EDN1: variants seen among roughly 807,000 people sequenced by gnomAD.
EDN1 encodes the protein endothelin 1.
A neutral mutation model predicts 21.7 loss-of-function variants in EDN1; 11 were observed. The ratio of observed to expected loss-of-function variants is 0.51; its 90% CI spans 0.32 to 0.84. EDN1 has a LOEUF of 0.84. Among genes scored for constraint, EDN1 ranks in the 40% least tolerant of loss-of-function variants. The pLI is 0.03. For missense variants in EDN1, 244 were observed against 262.3 expected (o/e 0.93, Z 0.48); for synonymous variants, 85 against 90.6 (o/e 0.94, Z 0.35).
At chr6:12,295,895 A>G (rs974480993) in intron 4 of EDN1, 67 bp from the exon 5 acceptor site, 6 of 1,514,932 alleles carry the variant, frequency 4.0e-6, no homozygotes, top group Non-Finnish European at 5.5e-6. Context: ...CTAATTTTAC[A>G]TGTTTCTTTT....
At chr6:12,232,895 A>G in the EDN1 span, among the ~76,000 whole-genome samples, 5 of 152,076 alleles carry the variant, frequency 3.3e-5, no homozygotes, top group South Asian at 2.1e-4. Context: ...ACTTTCTTTT[A>G]TTTTTCTGTT....
chr6:12,287,712 T>TCACACACACA (rs66467626), upstream of EDN1, among the ~76,000 whole-genome samples: 662 of 103,062 alleles, frequency 6.4e-3, 5 homozygotes, highest in Admixed American at 9.3e-3. Flanking sequence ...TCTCTCTCTC[T>TCACACACACA]CACACACACA....
the EDN1 span, among the ~76,000 whole-genome samples, chr6:12,273,119 G>A: frequency 1.3e-5 from 2 of 152,228 alleles, no homozygotes; most frequent in African/African-American, 4.8e-5. Flanking sequence ...TGCACTGGGA[G>A]CACAGAGGAG....
chr6:12,248,795 T>C, the EDN1 span, among the ~76,000 whole-genome samples: 9 of 152,342 alleles, frequency 5.9e-5, no homozygotes, highest in South Asian at 8.3e-4. Context: ...TTTGGATACA[T>C]TGATTTTTCT....
the EDN1 span, among the ~76,000 whole-genome samples, chr6:12,236,266 G>A: frequency 8.7e-5 from 13 of 150,186 alleles, no homozygotes; most frequent in Admixed American, 8.8e-4. Context: ...TCCAGTGAAT[G>A]AGTAATTTTG....
chr6:12,290,760 CT>C lies in EDN1; in HGVS notation c.64+71del. 3.7e-6 allele frequency: 5 copies of C among 1,355,606 alleles called. No individual in the cohort carries two copies. In the Admixed American group the frequency reaches 8.4e-5, roughly 23 times the overall value. 84.0% of individuals were successfully genotyped at this position (1,355,606 alleles called of 1,614,324 possible). A position where few individuals can be genotyped will look rare whatever the true frequency, so the allele number is the denominator to read the frequency against. ...TAGTGTGTTCTTATCCACCTTCATG[CT>C]TTTCTTGCTTCTATTTTTCCCCGTT... is the stretch of plus-strand genomic sequence containing the variant. On this transcript the variant is annotated intron_variant, in intron 1 of 4. Transcript: ENST00000379375.
the EDN1 span, among the ~76,000 whole-genome samples, chr6:12,257,219 A>C: frequency 6.6e-6 from 1 of 152,228 alleles, no homozygotes; most frequent in Non-Finnish European, 1.5e-5. Context: ...AAGCAGTTGA[A>C]GATGAAGGAG....
rs1169293842 is a variant in EDN1, at chr6:12,296,172, G to A, written c.*105G>A. ...GATCAGAGCAGGAGCATCCTCTGCT[G>A]GTTCCTGACTGGCAAAGGACCAGCG... On this transcript the variant is annotated 3_prime_UTR_variant, in exon 5 of 5. Coordinates refer to ENST00000379375, the MANE Select transcript of EDN1 (RefSeq NM_001955.5). 2.9e-6 allele frequency: 3 copies of A among 1,027,968 alleles called. No individual in the cohort carries two copies. Among genetic ancestry groups the A allele is most frequent in the African/African-American group, 3.1e-5 (2 of 63,692 alleles). The allele number at this position is 1,027,968 out of a possible 1,614,324, so 63.7% of individuals were successfully genotyped here. A position where few individuals can be genotyped will look rare whatever the true frequency, so the allele number is the denominator to read the frequency against.
upstream of EDN1, among the ~76,000 whole-genome samples, chr6:12,290,097 A>G (rs1762633682): frequency 6.6e-6 from 1 of 152,152 alleles, no homozygotes; most frequent in Non-Finnish European, 1.5e-5. Context: ...AGCGGACTCC[A>G]GCACTGCACG....
upstream of EDN1, among the ~76,000 whole-genome samples, chr6:12,290,131 A>G (rs1372398625): frequency 6.6e-6 from 1 of 152,104 alleles, no homozygotes; most frequent in Non-Finnish European, 1.5e-5. Flanking sequence ...AAGGTCTCTA[A>G]TGGGTATTTT....
At chr6:12,283,919 C>G in the EDN1 span, among the ~76,000 whole-genome samples, 1 of 152,218 alleles carries the variant, frequency 6.6e-6, no homozygotes, top group Admixed American at 6.5e-5. Context: ...CCTTTAGAAC[C>G]TCCATTCAGC....
the EDN1 span, among the ~76,000 whole-genome samples, chr6:12,264,900 A>G: frequency 5.9e-5 from 9 of 152,190 alleles, no homozygotes; most frequent in African/African-American, 2.2e-4. Flanking sequence ...CTTTTTTACT[A>G]GAATTTGATA....
At chr6:12,232,251 T>A in the EDN1 span, among the ~76,000 whole-genome samples, 1 of 148,544 alleles carries the variant, frequency 6.7e-6, no homozygotes, top group Non-Finnish European at 1.5e-5. Context: ...ATATAAAACA[T>A]ATAATTATAA....
chr6:12,252,496 C>T, the EDN1 span, among the ~76,000 whole-genome samples: 1 of 152,176 alleles, frequency 6.6e-6, no homozygotes, highest in Non-Finnish European at 1.5e-5. Context: ...TAGGGTTCTG[C>T]AGCTTGCTAG....
At chr6:12,269,315 AC>A in the EDN1 span, among the ~76,000 whole-genome samples, 1 of 151,976 alleles carries the variant, frequency 6.6e-6, no homozygotes, top group Non-Finnish European at 1.5e-5. Flanking sequence ...AATTTGAATG[AC>A]CTTTCTTTCT....
the EDN1 span, among the ~76,000 whole-genome samples, chr6:12,243,686 G>A: frequency 6.6e-6 from 1 of 152,156 alleles, no homozygotes; most frequent in Admixed American, 6.5e-5. Flanking sequence ...TATAAACTAT[G>A]AGCTACTTGA....
chr6:12,292,579 A>G, intron 2 of EDN1, 70 bp downstream of exon 2: 1 of 1,585,446 alleles, frequency 6.3e-7, no homozygotes, highest in Non-Finnish European at 8.7e-7. Context: ...CCAGTTTTAG[A>G]GTTTCTTTTC....
At chr6:12,249,479 C>T in the EDN1 span, among the ~76,000 whole-genome samples, 5 of 149,396 alleles carry the variant, frequency 3.3e-5, no homozygotes, top group Non-Finnish European at 5.9e-5. Context: ...AAATGTCTTC[C>T]AGTAATATAA....
chr6:12,286,959 T>A (rs1200272754), upstream of EDN1, among the ~76,000 whole-genome samples: 2 of 151,628 alleles, frequency 1.3e-5, no homozygotes, highest in Non-Finnish European at 2.9e-5. Context: ...TACGAAAAAA[T>A]TTTAAAACTT....
Sources: allele counts gnomAD v4.1 joint callset (sites outside exome capture counted in the v4.1 genomes callset), GRCh38; gene constraint gnomAD v4.1.1; transcripts MANE v1.5; gene names NCBI Gene and HGNC (gene_info 2026-07-23, HGNC 2026-07-21).